CDH13: variants seen among roughly 807,000 people sequenced by gnomAD.
The protein encoded by CDH13 is cadherin-13.
A neutral mutation model predicts 63.8 loss-of-function variants in CDH13; 24 were observed. That is an observed-to-expected ratio of 0.38 (90% confidence interval 0.27 to 0.53). The LOEUF (loss-of-function observed/expected upper bound fraction) is 0.53, where lower values mean the gene tolerates loss of function less well. Ranked by LOEUF, CDH13 falls within the 20% of genes least tolerant of loss-of-function variation. The pLI, the probability that CDH13 is intolerant of heterozygous loss-of-function variation, is 0.85. For missense variants in CDH13, 1,049 were observed against 903.1 expected (o/e 1.16, Z -2.07); for synonymous variants, 503 against 355.3 (o/e 1.42, Z -4.67).
chr16:83,327,250 C>T (rs973662920), intron 5 of CDH13, among the ~76,000 whole-genome samples: 1 of 152,094 alleles, frequency 6.6e-6, no homozygotes, highest in East Asian at 1.9e-4. Flanking sequence ...ATGAATAATC[C>T]CATGTAAAAT....
intron 1 of CDH13, among the ~76,000 whole-genome samples, chr16:82,710,552 A>AAAAAAT (rs60196638): frequency 1.6e-4 from 10 of 63,778 alleles, no homozygotes; most frequent in South Asian, 8.8e-4. Context: ...AAAAAAAAAA[A>AAAAAAT]ATATATATAT....
intron 1 of CDH13, among the ~76,000 whole-genome samples, chr16:82,817,937 A>G (rs1341144283): frequency 7.8e-6 from 1 of 128,070 alleles, no homozygotes; most frequent in Non-Finnish European, 1.6e-5. Flanking sequence ...ACCTATAATT[A>G]TAAATGCATG....
intron 6 of CDH13, among the ~76,000 whole-genome samples, chr16:83,371,783 C>T (rs1567624162): frequency 6.6e-6 from 1 of 152,086 alleles, no homozygotes; most frequent in African/African-American, 2.4e-5. Flanking sequence ...GGATAGTACC[C>T]CTGAATGGAC....
At chr16:83,603,416 T>C (rs532687064) in intron 8 of CDH13, among the ~76,000 whole-genome samples, 1 of 152,334 alleles carries the variant, frequency 6.6e-6, no homozygotes, top group South Asian at 2.1e-4. Context: ...TTTGACTGTG[T>C]GAGCCTGGCT....
At chr16:83,191,942 A>C (rs2038729008) in intron 4 of CDH13, among the ~76,000 whole-genome samples, 1 of 152,108 alleles carries the variant, frequency 6.6e-6, no homozygotes, top group Admixed American at 6.5e-5. Flanking sequence ...AGTCCAATCA[A>C]GTTGAGGCTC....
At chr16:83,615,156 C>G (rs1324581347) in intron 8 of CDH13, among the ~76,000 whole-genome samples, 1 of 152,134 alleles carries the variant, frequency 6.6e-6, no homozygotes, top group Non-Finnish European at 1.5e-5. Flanking sequence ...ATCCAGTCCT[C>G]CAGGATTCCG....
chr16:83,133,468 A>G (rs928495792), intron 4 of CDH13, among the ~76,000 whole-genome samples: 2 of 152,092 alleles, frequency 1.3e-5, no homozygotes, highest in Non-Finnish European at 2.9e-5. Flanking sequence ...TGCTAATGTA[A>G]ATAAGGCCTA....
At chr16:83,419,555 A>G (rs780757461) in intron 6 of CDH13, among the ~76,000 whole-genome samples, 11 of 152,196 alleles carry the variant, frequency 7.2e-5, no homozygotes, top group Non-Finnish European at 1.3e-4. Flanking sequence ...GCCATGCTCT[A>G]CCAGTAGTAA....
At chr16:83,404,102 C>G (rs1412982443) in intron 6 of CDH13, among the ~76,000 whole-genome samples, 1 of 152,172 alleles carries the variant, frequency 6.6e-6, no homozygotes, top group East Asian at 1.9e-4. Context: ...TACAAGGAGT[C>G]AGGCTCTTGG....
intron 1 of CDH13, among the ~76,000 whole-genome samples, chr16:82,728,606 T>A (rs548408703): frequency 5.0e-4 from 76 of 152,290 alleles, no homozygotes; most frequent in African/African-American, 1.7e-3. Context: ...CAGGGAGTCA[T>A]AATCTTTTTG....
chr16:83,625,681 A>G (rs1910231622), intron 8 of CDH13, among the ~76,000 whole-genome samples: 1 of 152,212 alleles, frequency 6.6e-6, no homozygotes, highest in African/African-American at 2.4e-5. Context: ...TAGCTGGAGC[A>G]CATCTGACCC....
At chr16:83,662,033 G>A (rs1207122229) in intron 8 of CDH13, among the ~76,000 whole-genome samples, 7 of 152,176 alleles carry the variant, frequency 4.6e-5, no homozygotes, top group Non-Finnish European at 2.9e-5. Context: ...CACCCTGGGT[G>A]GGTGGGTCAC....
At chr16:83,741,705 T>A (rs1912082833) in intron 10 of CDH13, among the ~76,000 whole-genome samples, 1 of 152,152 alleles carries the variant, frequency 6.6e-6, no homozygotes, top group Non-Finnish European at 1.5e-5. Context: ...ATGACATTTT[T>A]AAGTCTAAAC....
chr16:82,915,018 C>T (rs2041943280), intron 2 of CDH13, among the ~76,000 whole-genome samples: 2 of 152,214 alleles, frequency 1.3e-5, no homozygotes. Flanking sequence ...GCACGATGTG[C>T]AGTGGTCTAA....
chr16:82,790,673 C>T (rs1273721550), intron 1 of CDH13, among the ~76,000 whole-genome samples: 3 of 152,134 alleles, frequency 2.0e-5, no homozygotes. Context: ...CACAGTTCAC[C>T]ATGGCTGGGA....
At chr16:82,766,301 C>G (rs2035051708) in intron 1 of CDH13, among the ~76,000 whole-genome samples, 2 of 152,192 alleles carry the variant, frequency 1.3e-5, no homozygotes, top group South Asian at 2.1e-4. Flanking sequence ...AAATCCGTAG[C>G]TGATATATTT....
chr16:83,149,372 G>A (rs1017574682), intron 4 of CDH13, among the ~76,000 whole-genome samples: 1 of 152,172 alleles, frequency 6.6e-6, no homozygotes, highest in African/African-American at 2.4e-5. Context: ...CTCATGAGGC[G>A]ATGTTAACTT....
At chr16:83,306,581 A>T (rs2089885220) in intron 5 of CDH13, among the ~76,000 whole-genome samples, 1 of 152,132 alleles carries the variant, frequency 6.6e-6, no homozygotes, top group Admixed American at 6.5e-5. Flanking sequence ...GAATCCTTGA[A>T]CTTCTCAGCC....
In CDH13 at chr16:83,670,599, G is replaced by A. The variant is rs118067931; in HGVS notation, c.1102-191G>A. ...GCTGCCCACATTCTGCAGGAGAGAAGTTAGTCTCGTGGCCTCACCTAAGTT... is the reference window on the plus strand; with the variant it reads ...GCTGCCCACATTCTGCAGGAGAGAAATTAGTCTCGTGGCCTCACCTAAGTT... On this transcript the variant is annotated intron_variant, in intron 8 of 13. Coordinates refer to ENST00000567109, the MANE Select transcript of CDH13 (RefSeq NM_001257.5). Among the ~76,000 whole-genome samples the A allele has an allele frequency of 3.9e-4, 59 of 152,340 alleles. 1 individual carries two copies. The East Asian group carries it at 8.1e-3, about 21-fold the overall frequency.
Sources: gnomAD v4.1 joint callset for allele counts (sites outside exome capture counted in the v4.1 genomes callset) on GRCh38, gnomAD v4.1.1 for gene constraint, MANE v1.5 for transcripts, NCBI Gene and HGNC (gene_info 2026-07-23, HGNC 2026-07-21) for gene names.